The following RAB22A variants were observed in gnomAD, a reference collection of about 807,000 sequenced individuals.
RAB22A encodes RAB22A, member RAS oncogene family.
Under a neutral mutation model 30.2 loss-of-function variants are expected in RAB22A, and 13 were observed. That is an observed-to-expected ratio of 0.43 (90% CI 0.28 to 0.68). The LOEUF (loss-of-function observed/expected upper bound fraction) is 0.68. Ranked by LOEUF, RAB22A falls within the 30% of genes least tolerant of loss-of-function variation. RAB22A has a pLI of 0.18. For missense variants in RAB22A, 177 were observed against 246.8 expected (o/e 0.72, Z 1.89); for synonymous variants, 89 against 87.2 (o/e 1.02, Z -0.11).
At chr20:58,326,899 T>C (rs1348835455) in intron 2 of RAB22A, among the ~76,000 whole-genome samples, 1 of 152,208 alleles carries the variant, frequency 6.6e-6, no homozygotes, top group African/African-American at 2.4e-5. Context: ...TTCCCAATGT[T>C]AGGGGGAAAA....
At chr20:58,354,321 G>A in intron 6 of RAB22A, 56 bp downstream of exon 6, 1 of 1,193,694 alleles carries the variant, frequency 8.4e-7, no homozygotes, top group Non-Finnish European at 1.2e-6. Flanking sequence ...AACACAGAAT[G>A]ATCTTCCTGG....
Position 58,355,892 on chromosome 20 carries a change from G to A in RAB22A, c.487+1627G>A, listed in dbSNP as rs377139296. ...ATAGCAGGTACCCAGATGGATTTTT[G>A]AAAGGCAACATAAAGCCAGTTGGGA... is the stretch of plus-strand genomic sequence containing the variant. On this transcript the variant is annotated intron_variant, in intron 6 of 6. Coordinates refer to ENST00000244040, the MANE Select transcript of RAB22A (RefSeq NM_020673.3). Among the ~76,000 whole-genome samples, 5 of 152,308 alleles carry A rather than the reference G, an allele frequency of 3.3e-5. No individual in the cohort carries two copies. In the East Asian group the frequency reaches 7.7e-4, roughly 23 times the overall value.
rs1311058147 is a variant in RAB22A, at chr20:58,363,048, T to C, written c.*3345T>C. 1.3e-5 allele frequency: 2 copies of C among 152,252 alleles called. No individual in the cohort carries two copies. The highest frequency in any genetic ancestry group is 1.3e-4 in the Admixed American group (2 of 15,288). 9.4% of individuals were successfully genotyped at this position (152,252 alleles called of 1,614,324 possible). On this transcript the variant is annotated 3_prime_UTR_variant, in exon 7 of 7. Transcript: ENST00000244040. The stretch of plus-strand genomic sequence containing the variant: ...AAATTGGTCTAGGAAGCCTTCTAAA[T>C]TAAACTCTGGGAAATATAGTAATGA...
chr20:58,358,481 G>A (rs141207418), intron 6 of RAB22A, among the ~76,000 whole-genome samples: 2 of 152,318 alleles, frequency 1.3e-5, no homozygotes, highest in East Asian at 3.9e-4. Flanking sequence ...TCAGAAAGAT[G>A]CTTCTTGCAT....
chr20:58,342,150 A>C (rs1028222094), intron 2 of RAB22A, among the ~76,000 whole-genome samples: 2 of 152,254 alleles, frequency 1.3e-5, no homozygotes, highest in African/African-American at 4.8e-5. Context: ...TTCCTAAGTG[A>C]GAAACCATGT....
At chr20:58,358,027 G>A (rs1428649324) in intron 6 of RAB22A, among the ~76,000 whole-genome samples, 2 of 152,186 alleles carry the variant, frequency 1.3e-5, no homozygotes, top group African/African-American at 4.8e-5. Context: ...TCTAATGTGA[G>A]GGAGATAGTC....
chr20:58,322,168 G>A (rs77904484), intron 2 of RAB22A, among the ~76,000 whole-genome samples: 2,389 of 152,282 alleles, frequency 0.016, 27 homozygotes, highest in Non-Finnish European at 0.02. Flanking sequence ...CCTGGTAAGA[G>A]TGCCGTTCTG....
At chr20:58,353,751 C>T (rs8116697) in intron 5 of RAB22A, among the ~76,000 whole-genome samples, 4,270 of 152,210 alleles carry the variant, frequency 0.028, 215 homozygotes, top group African/African-American at 0.098. Context: ...GTGCAATTTA[C>T]GGAAATACTG....
At chr20:58,327,762 G>T (rs551920262) in intron 2 of RAB22A, among the ~76,000 whole-genome samples, 1 of 152,246 alleles carries the variant, frequency 6.6e-6, no homozygotes, top group East Asian at 1.9e-4. Context: ...AGCATTATCT[G>T]TATCTAATCA....
intron 2 of RAB22A, among the ~76,000 whole-genome samples, chr20:58,340,017 G>C: frequency 6.6e-6 from 1 of 152,150 alleles, no homozygotes; most frequent in Admixed American, 6.6e-5. Flanking sequence ...CTAATGCTGA[G>C]GAGGAAGTGG....
chr20:58,360,624 T>C lies in RAB22A; in HGVS notation c.*921T>C, dbSNP rs1987209806. 2.0e-5 allele frequency: 3 copies of C among 152,642 alleles called. No homozygotes were observed. The South Asian group carries it at 6.2e-4, about 32-fold the overall frequency. 9.5% of individuals were successfully genotyped at this position (152,642 alleles called of 1,614,324 possible). A position where few individuals can be genotyped will look rare whatever the true frequency, so the allele number is the denominator to read the frequency against. On this transcript the variant is annotated 3_prime_UTR_variant, in exon 7 of 7. Transcript: ENST00000244040. ...TTATGGGGCCATTGCTTAAAGATTA[T>C]AAATTATGTAAATACATTAATAAAT...
intron 2 of RAB22A, 57 bp from the exon 3 acceptor site, chr20:58,343,661 G>T: frequency 7.3e-7 from 1 of 1,366,062 alleles, no homozygotes. Flanking sequence ...TTTCCGACTG[G>T]GGCTGGAAAC....
intron 2 of RAB22A, among the ~76,000 whole-genome samples, chr20:58,334,323 G>A (rs1249026048): frequency 2.7e-5 from 4 of 146,828 alleles, no homozygotes; most frequent in Non-Finnish European, 5.9e-5. Context: ...CGACAAGAGC[G>A]AAAGTCCATC....
intron 5 of RAB22A, among the ~76,000 whole-genome samples, chr20:58,353,918 A>G (rs1182973639): frequency 6.6e-6 from 1 of 152,230 alleles, no homozygotes; most frequent in Non-Finnish European, 1.5e-5. Flanking sequence ...GCTGGGGAAG[A>G]AAACCCTGCC....
chr20:58,316,445 C>T (rs1331967183), intron 2 of RAB22A, among the ~76,000 whole-genome samples: 1 of 152,166 alleles, frequency 6.6e-6, no homozygotes. Flanking sequence ...CAGGGATTTT[C>T]AAAGCTGAGG....
At chr20:58,346,676 G>A (rs923518574) in intron 3 of RAB22A, among the ~76,000 whole-genome samples, 1 of 152,206 alleles carries the variant, frequency 6.6e-6, no homozygotes, top group African/African-American at 2.4e-5. Flanking sequence ...TTCATTGACA[G>A]AATCTCCCAT....
rs1459961688 is a variant in RAB22A at position 58,354,300 on chromosome 20, A to G, written c.487+35A>G. 15 of 1,439,922 alleles carry G rather than the reference A, an allele frequency of 1.0e-5. No individual in the cohort carries two copies. In the South Asian group the frequency reaches 1.5e-4, roughly 15 times the overall value. 89.2% of individuals were successfully genotyped at this position (1,439,922 alleles called of 1,614,324 possible). The stretch of plus-strand genomic sequence containing the variant: ...TCTGTGCCTTATCCATTTCCTCTGT[A>G]AAAGCCGCTTAACACAGAATGATCT... On this transcript the variant is annotated intron_variant, in intron 6 of 6. Transcript: ENST00000244040.
intron 2 of RAB22A, among the ~76,000 whole-genome samples, chr20:58,317,011 C>T (rs755196948): frequency 6.6e-6 from 1 of 152,210 alleles, no homozygotes; most frequent in Non-Finnish European, 1.5e-5. Flanking sequence ...CTTCATCTTC[C>T]TTCATGGAGA....
intron 2 of RAB22A, among the ~76,000 whole-genome samples, chr20:58,334,976 A>G (rs959989996): frequency 6.6e-6 from 1 of 152,264 alleles, no homozygotes; most frequent in Non-Finnish European, 1.5e-5. Context: ...AAATGTTTAT[A>G]GCAGGCTTGT....
Sources: allele counts gnomAD v4.1 joint callset (sites outside exome capture counted in the v4.1 genomes callset), GRCh38; gene constraint gnomAD v4.1.1; transcripts MANE v1.5; gene names NCBI Gene and HGNC (gene_info 2026-07-23, HGNC 2026-07-21).